Variants in DHX8 observed in about 807,000 individuals in gnomAD.
DHX8 encodes the protein ATP-dependent RNA helicase DHX8.
DHX8 carries 67 observed loss-of-function variants against 140.7 expected under a neutral mutation model. The ratio of observed to expected loss-of-function variants is 0.48; its 90% CI spans 0.39 to 0.58. The LOEUF (loss-of-function observed/expected upper bound fraction) is 0.58. DHX8 is among the 20% of genes least tolerant of loss of function. DHX8 has a pLI of 0.00. For synonymous variants in DHX8, 533 were observed against 553.2 expected, an observed-to-expected ratio of 0.96 and a Z score of 0.51; for missense variants, 887 against 1,550.7, an observed-to-expected ratio of 0.57 and a Z score of 7.19.
chr17:43,504,880 G>A (rs759717872), intron 12 of DHX8, 55 bp downstream of exon 12: 35 of 1,498,730 alleles, frequency 2.3e-5, no homozygotes, highest in Non-Finnish European at 2.7e-5. Context: ...TCTAAAAGAG[G>A]GGTGATATTT....
intron 16 of DHX8, among the ~76,000 whole-genome samples, chr17:43,511,969 A>G (rs1015807533): frequency 6.6e-6 from 1 of 152,086 alleles, no homozygotes. Flanking sequence ...GCTATGAGCC[A>G]TGATCACACC....
chr17:43,507,439 T>C (rs938509109), intron 13 of DHX8, 64 bp from the exon 14 acceptor site: 2 of 1,475,916 alleles, frequency 1.4e-6, no homozygotes, highest in Non-Finnish European at 1.8e-6. Context: ...GGCTGAAATC[T>C]TGCCTGGTGA....
At chr17:43,509,526 C>T (rs1598157588) in intron 16 of DHX8, among the ~76,000 whole-genome samples, 1 of 151,308 alleles carries the variant, frequency 6.6e-6, no homozygotes, top group Non-Finnish European at 1.5e-5. Flanking sequence ...GTCTGTCACC[C>T]AAGGTGGAGT....
At chr17:43,515,952 A>G (rs1970093904) in intron 17 of DHX8, among the ~76,000 whole-genome samples, 1 of 152,136 alleles carries the variant, frequency 6.6e-6, no homozygotes, top group African/African-American at 2.4e-5. Flanking sequence ...ATTGTTTCCT[A>G]GCAACCTATG....
chr17:43,532,515 A>G (rs1355931037), intron 2 of DHX8, among the ~76,000 whole-genome samples: 1 of 152,072 alleles, frequency 6.6e-6, no homozygotes, highest in Admixed American at 6.6e-5. Flanking sequence ...AAAGAAAAAG[A>G]AAGAAAAATA....
At position 43,506,996 on chromosome 17, in the gene DHX8, C is replaced by T. The variant is rs561303076; in HGVS notation, c.1729-7C>T. On this transcript the variant is annotated splice_region_variant and splice_polypyrimidine_tract_variant and intron_variant, in intron 12 of 22. Transcript: ENST00000262415. ...TAATGACCATATTTATATTCTGTTG[C>T]TTTCAGGCCGTCCATGACAATCAGA... The T allele has an allele frequency of 4.3e-5, 68 of 1,571,072 alleles. No individual in the cohort carries two copies. The South Asian group carries it at 7.6e-4, about 18-fold the overall frequency.
intron 2 of DHX8, chr17:43,536,367 T>C (rs751298923): frequency 7.0e-7 from 1 of 1,438,684 alleles, no homozygotes; most frequent in South Asian, 1.1e-5. Context: ...CTCTATCCTA[T>C]GACTCACTTC....
At chr17:43,532,999 C>A (rs764426611) in intron 2 of DHX8, 18 of 1,522,816 alleles carry the variant, frequency 1.2e-5, no homozygotes, top group Non-Finnish European at 1.6e-5. Context: ...CTTCCTCGAG[C>A]CTGTTACTCC....
downstream of DHX8, among the ~76,000 whole-genome samples, chr17:43,530,980 G>A (rs1346965880): frequency 1.3e-5 from 2 of 152,078 alleles, no homozygotes; most frequent in Non-Finnish European, 2.9e-5. Context: ...GGAGTTCAAG[G>A]GCATGTAACA....
intron 16 of DHX8, among the ~76,000 whole-genome samples, chr17:43,509,481 C>CT (rs1969686444): frequency 2.0e-5 from 3 of 150,518 alleles, no homozygotes; most frequent in Admixed American, 6.6e-5. Flanking sequence ...CCACCTCCCA[C>CT]TTATTTTTTT....
At chr17:43,511,005 A>G (rs185933448) in intron 16 of DHX8, among the ~76,000 whole-genome samples, 58 of 152,282 alleles carry the variant, frequency 3.8e-4, no homozygotes, top group Middle Eastern at 6.8e-3. Flanking sequence ...TTGTATGGGC[A>G]CAACACATTT....
chr17:43,509,052 G>A (rs1256039145), intron 16 of DHX8, among the ~76,000 whole-genome samples: 1 of 152,130 alleles, frequency 6.6e-6, no homozygotes, highest in African/African-American at 2.4e-5. Context: ...AATATTTTTT[G>A]AGCATCTACC....
chr17:43,487,920 T>C (rs1968264678), intron 1 of DHX8, among the ~76,000 whole-genome samples: 1 of 152,056 alleles, frequency 6.6e-6, no homozygotes, highest in African/African-American at 2.4e-5. Context: ...GAGGTTGCAA[T>C]GAGCCAAGAT....
At position 43,524,843 on chromosome 17, in the gene DHX8, C is replaced by T. The variant is rs774866240; in HGVS notation, c.*996C>T. ...ACAAACATAACACCTCTCCTCTCAG[C>T]TGGTTTGTGCTGCCAGTATCTGTGC... On this transcript the variant is annotated 3_prime_UTR_variant, in exon 23 of 23. Coordinates refer to ENST00000262415, the MANE Select transcript of DHX8 (RefSeq NM_004941.3). 4 of 985,308 alleles carry T rather than the reference C, an allele frequency of 4.1e-6. No individual in the cohort carries two copies. Among genetic ancestry groups the T allele is most frequent in the Middle Eastern group, 5.2e-4 (1 of 1,936 alleles). 61.0% of individuals were successfully genotyped at this position (985,308 alleles called of 1,614,324 possible). A position where few individuals can be genotyped will look rare whatever the true frequency, so the allele number is the denominator to read the frequency against.
rs759050151 is a variant in DHX8 at position 43,523,739 on chromosome 17, C to T, written c.3555C>T (p.Asp1185=). 2.7e-5 allele frequency: 43 copies of T among 1,614,184 alleles called. No homozygotes were observed. The highest frequency in any genetic ancestry group is 3.5e-5 in the Non-Finnish European group (41 of 1,180,040). ...CCCCAGCCTTCTTCAAGGTCTCAGA[C>T]CCAACTAAGCTAAGCAAACAGAAGA... is the stretch of plus-strand genomic sequence containing the variant. ...EFAPAFFKVS[D]PTKLSKQKKQ... is the part of the protein sequence containing the mutation. Residue 1185 remains aspartate, a synonymous_variant, in exon 23 of 23, where the codon GAC becomes GAT. Transcript: ENST00000262415.
In DHX8 at chr17:43,504,870, T is replaced by G. The variant is rs1326530502; in HGVS notation, c.1728+45T>G. The G allele has an allele frequency of 3.9e-6, 6 of 1,533,068 alleles. No homozygotes were observed. In the East Asian group the frequency reaches 1.4e-4, roughly 35 times the overall value. The allele number at this position is 1,533,068 out of a possible 1,614,324, so 95.0% of individuals were successfully genotyped here. On this transcript the variant is annotated intron_variant, in intron 12 of 22. Transcript: ENST00000262415. ...GTATTGGTGGGGAGTAGGGTTATTGTCTAAAAGAGGGGTGATATTTTTAAA... is the reference window on the plus strand; with the variant it reads ...GTATTGGTGGGGAGTAGGGTTATTGGCTAAAAGAGGGGTGATATTTTTAAA...
At chr17:43,505,389 CAGAG>C (rs1459867053) in intron 12 of DHX8, among the ~76,000 whole-genome samples, 2 of 151,262 alleles carry the variant, frequency 1.3e-5, no homozygotes, top group Non-Finnish European at 2.9e-5. Flanking sequence ...AGCCTGGCTA[CAGAG>C]AGAGACTCTG....
downstream of DHX8, chr17:43,528,311 T>G (rs1181495809): frequency 2.0e-6 from 1 of 500,492 alleles, no homozygotes; most frequent in Non-Finnish European, 3.5e-6. Flanking sequence ...GGGGAGTTTC[T>G]GAGACTCTAG....
At position 43,507,083 on chromosome 17, in the gene DHX8, G is replaced by A. The variant is rs141818171; in HGVS notation, c.1809G>A (p.Ala603=). 6 of 1,614,006 alleles carry A rather than the reference G, an allele frequency of 3.7e-6. No homozygotes were observed. The highest frequency in any genetic ancestry group is 5.1e-6 in the Non-Finnish European group (6 of 1,180,006). The part of the protein sequence containing the change: ...GKTTQITQYL[A]EAGYTSRGKI... ...CAACACAGATCACCCAGTACCTGGC[G>A]GAGGCAGGCTACACTTCCAGGGGCA... Residue 603 remains alanine (A), a synonymous_variant, in exon 13 of 23, where the codon GCG becomes GCA. Transcript: ENST00000262415.
Sources: allele counts gnomAD v4.1 joint callset (sites outside exome capture counted in the v4.1 genomes callset), GRCh38; gene constraint gnomAD v4.1.1; transcripts MANE v1.5; gene names NCBI Gene and HGNC (gene_info 2026-07-23, HGNC 2026-07-21).